Variants in PCBP3 observed in about 807,000 individuals in gnomAD.
The protein encoded by PCBP3 is poly(rC) binding protein 3.
A neutral mutation model predicts 52.7 loss-of-function variants in PCBP3; 25 were observed. That is an observed-to-expected ratio of 0.47 (90% confidence interval 0.35 to 0.66). The LOEUF (loss-of-function observed/expected upper bound fraction) is 0.66. Among genes scored for constraint, PCBP3 ranks in the 30% least tolerant of loss-of-function variants. The probability of loss-of-function intolerance (pLI) is 0.01; values close to 1 mark genes in which losing one functional copy is unlikely to be tolerated. For synonymous variants in PCBP3, 162 were observed against 183.0 expected (o/e 0.89, Z 0.93); for missense variants, 391 against 490.3 (o/e 0.80, Z 1.91).
intron 1 of PCBP3, among the ~76,000 whole-genome samples, chr21:45,657,359 C>T (rs2080087686): frequency 6.6e-6 from 1 of 152,096 alleles, no homozygotes; most frequent in African/African-American, 2.4e-5. Flanking sequence ...AGGAGTTTAA[C>T]TTCATTCTTC....
intron 4 of PCBP3, among the ~76,000 whole-genome samples, chr21:45,815,828 G>A (rs1411556441): frequency 6.4e-5 from 7 of 108,628 alleles, no homozygotes; most frequent in East Asian, 3.5e-4. Flanking sequence ...GTGGTGAGTG[G>A]TGAGTGAGTG....
At chr21:45,731,103 C>CT (rs1483652296) in intron 2 of PCBP3, among the ~76,000 whole-genome samples, 2 of 152,070 alleles carry the variant, frequency 1.3e-5, no homozygotes, top group Admixed American at 6.5e-5. Context: ...TTAGAGTCCC[C>CT]TTTTTTCTCT....
At chr21:45,872,050 G>T (rs987145204) in intron 5 of PCBP3, 7 of 152,234 alleles carry the variant, frequency 4.6e-5, no homozygotes, top group African/African-American at 1.7e-4. Flanking sequence ...CGTGCTGGCG[G>T]CAGCTGTGTG....
chr21:45,784,391 T>TCTACCGCTACCTCTACCG (rs1473383380), intron 4 of PCBP3, among the ~76,000 whole-genome samples: 1 of 113,250 alleles, frequency 8.8e-6, no homozygotes, highest in Non-Finnish European at 2.0e-5. Context: ...TACCTCTACC[T>TCTACCGCTACCTCTACCG]CTACCGCTAC....
At chr21:45,841,892 C>G (rs1449935898) in intron 4 of PCBP3, among the ~76,000 whole-genome samples, 2 of 152,328 alleles carry the variant, frequency 1.3e-5, no homozygotes, top group Non-Finnish European at 2.9e-5. Flanking sequence ...AGGAGGGCTC[C>G]CTTCCCTGAC....
rs188317959 is a variant in PCBP3 at position 45,897,482 on chromosome 21, C to T, written c.165+1120C>T. ...CTGTCAGCCGCTCCCAGGAACCTGT[C>T]CTCAGACTTTCAGAGCATGTGTTTC... On this transcript the variant is annotated intron_variant, in intron 6 of 17. Coordinates refer to ENST00000681687, the MANE Select transcript of PCBP3 (RefSeq NM_001384156.1). 3.3e-5 allele frequency among the ~76,000 whole-genome samples: 5 copies of T among 152,310 alleles called. No individual in the cohort carries two copies. The East Asian group carries it at 9.6e-4, about 29-fold the overall frequency.
At chr21:45,701,411 TTCCTC>T in intron 2 of PCBP3, among the ~76,000 whole-genome samples, 1 of 152,356 alleles carries the variant, frequency 6.6e-6, no homozygotes, top group Admixed American at 6.5e-5. Context: ...CAGGACTCCT[TTCCTC>T]TCAACTTCTT....
intron 12 of PCBP3, chr21:45,914,303 T>C (rs1479898667): frequency 1.3e-5 from 7 of 528,584 alleles, no homozygotes; most frequent in Non-Finnish European, 2.3e-5. Flanking sequence ...TTCCCAGAAC[T>C]GGGTGTTTTT....
chr21:45,857,896 G>A (rs2094362936), intron 5 of PCBP3, among the ~76,000 whole-genome samples: 1 of 152,210 alleles, frequency 6.6e-6, no homozygotes, highest in South Asian at 2.1e-4. Flanking sequence ...CTGCCCCCCA[G>A]GGCCTTGCTC....
At chr21:45,657,433 A>T (rs1453610685) in intron 1 of PCBP3, among the ~76,000 whole-genome samples, 1 of 152,190 alleles carries the variant, frequency 6.6e-6, no homozygotes, top group African/African-American at 2.4e-5. Flanking sequence ...TGGCCTTAGC[A>T]CTTCTGTCAA....
In PCBP3 at chr21:45,941,953, T is replaced by C. The variant is rs1459040383; in HGVS notation, c.*247T>C. The C allele has an allele frequency of 2.1e-5, 9 of 428,078 alleles. No individual in the cohort carries two copies. The East Asian group carries it at 2.9e-4, about 14-fold the overall frequency. The allele number at this position is 428,078 out of a possible 1,614,324, so 26.5% of individuals were successfully genotyped here. ...TATGACTTACGCTCCCGTCTGCCCATGCACCGGCATGCAGTGGTAATTATT... is the reference window on the plus strand; with the variant it reads ...TATGACTTACGCTCCCGTCTGCCCACGCACCGGCATGCAGTGGTAATTATT... On this transcript the variant is annotated 3_prime_UTR_variant, in exon 18 of 18. Coordinates refer to ENST00000681687, the MANE Select transcript of PCBP3 (RefSeq NM_001384156.1).
At chr21:45,718,191 A>T (rs1603310968) in intron 2 of PCBP3, among the ~76,000 whole-genome samples, 1 of 145,344 alleles carries the variant, frequency 6.9e-6, no homozygotes, top group African/African-American at 2.5e-5. Context: ...AATTTTAATA[A>T]TTTGAGTCTT....
At chr21:45,890,528 A>G (rs1603469127) in intron 5 of PCBP3, among the ~76,000 whole-genome samples, 2 of 152,128 alleles carry the variant, frequency 1.3e-5, no homozygotes, top group Admixed American at 1.3e-4. Flanking sequence ...GGGAATGTAG[A>G]TAACAGAACC....
At chr21:45,651,321 T>G (rs112197886) in intron 1 of PCBP3, among the ~76,000 whole-genome samples, 1,726 of 151,128 alleles carry the variant, frequency 0.011, 19 homozygotes, top group Non-Finnish European at 0.018. Flanking sequence ...TTATACAACG[T>G]TTTTTCTATT....
intron 5 of PCBP3, among the ~76,000 whole-genome samples, chr21:45,856,254 G>A (rs978806857): frequency 3.3e-5 from 5 of 152,186 alleles, no homozygotes; most frequent in African/African-American, 9.7e-5. Flanking sequence ...ACACCTATGA[G>A]ATTTCATCCA....
At chr21:45,843,491 C>T (rs962581874) in intron 4 of PCBP3, among the ~76,000 whole-genome samples, 3 of 152,110 alleles carry the variant, frequency 2.0e-5, no homozygotes, top group African/African-American at 7.2e-5. Context: ...AAATGGGATT[C>T]GTGACTCACT....
chr21:45,892,702 G>T (rs1407282853), intron 5 of PCBP3, among the ~76,000 whole-genome samples: 1 of 152,124 alleles, frequency 6.6e-6, no homozygotes, highest in Non-Finnish European at 1.5e-5. Context: ...CCCAGCACTG[G>T]CCCTGTGTCC....
At chr21:45,877,906 G>T (rs1198044460) in intron 5 of PCBP3, among the ~76,000 whole-genome samples, 1 of 152,266 alleles carries the variant, frequency 6.6e-6, no homozygotes, top group Non-Finnish European at 1.5e-5. Flanking sequence ...TGCTGGAGCA[G>T]CTCCCTTGGG....
chr21:45,930,667 T>C (rs997841156), intron 14 of PCBP3, 119 bp from the exon 15 acceptor site: 12 of 585,884 alleles, frequency 2.0e-5, no homozygotes, highest in Admixed American at 8.1e-5. Flanking sequence ...TGCCTGTGGC[T>C]GTGGCCAGAG....
Sources: gnomAD v4.1 joint callset for allele counts (sites outside exome capture counted in the v4.1 genomes callset) on GRCh38, gnomAD v4.1.1 for gene constraint, MANE v1.5 for transcripts, NCBI Gene and HGNC (gene_info 2026-07-23, HGNC 2026-07-21) for gene names.